Variants in SORBS2 observed in about 807,000 individuals in gnomAD.
The protein encoded by SORBS2 is sorbin and SH3 domain-containing protein 2.
In SORBS2, 46 loss-of-function variants were observed where a neutral mutation model predicts 97.7. That is an observed-to-expected ratio of 0.47 (90% CI 0.37 to 0.60). The LOEUF (loss-of-function observed/expected upper bound fraction) is 0.60. Ranked by LOEUF, SORBS2 falls within the 20% of genes least tolerant of loss-of-function variation. The pLI is 0.00. For missense variants in SORBS2, 1,316 were observed against 1,282.3 expected (o/e 1.03, Z -0.40); for synonymous variants, 476 against 473.4 (o/e 1.01, Z -0.07).
chr4:185,823,151 G>A (rs2099197826), intron 1 of SORBS2, among the ~76,000 whole-genome samples: 1 of 152,146 alleles, frequency 6.6e-6, no homozygotes, highest in African/African-American at 2.4e-5. Context: ...TCAGTGATGT[G>A]ACCATACCTT....
At chr4:185,689,973 C>T (rs1348673594) in intron 2 of SORBS2, among the ~76,000 whole-genome samples, 1 of 152,146 alleles carries the variant, frequency 6.6e-6, no homozygotes, top group African/African-American at 2.4e-5. Context: ...GAAAAAAGTT[C>T]ATATGTACAA....
chr4:185,928,500 C>T (rs1043418196), intron 1 of SORBS2, among the ~76,000 whole-genome samples: 2 of 152,190 alleles, frequency 1.3e-5, no homozygotes, highest in African/African-American at 4.8e-5. Flanking sequence ...GCGGGAGAGT[C>T]AGGCACGTGG....
chr4:185,599,480 G>A (rs1424697134), intron 12 of SORBS2, among the ~76,000 whole-genome samples: 1 of 152,182 alleles, frequency 6.6e-6, no homozygotes, highest in African/African-American at 2.4e-5. Context: ...GCAGTATGGG[G>A]ACAAAAGGCA....
intron 1 of SORBS2, among the ~76,000 whole-genome samples, chr4:185,830,239 T>G (rs1291132865): frequency 6.6e-6 from 1 of 152,170 alleles, no homozygotes; most frequent in African/African-American, 2.4e-5. Context: ...AAAATGCACA[T>G]TCTGGTTGGC....
At position 185,752,752 on chromosome 4, in the gene SORBS2, G is replaced by A. The variant is rs539905491; in HGVS notation, c.-198+22475C>T. Among the ~76,000 whole-genome samples the A allele has an allele frequency of 5.9e-5, 9 of 152,236 alleles. 1 individual carries two copies. Among genetic ancestry groups the A allele is most frequent in the East Asian group, 3.9e-4 (2 of 5,184 alleles). ...AACCTTAAAGAAGATTGAAAGAAGCGACAACTTAATGAAACCCAGCTACTG... is the reference window on the plus strand; with the variant it reads ...AACCTTAAAGAAGATTGAAAGAAGCAACAACTTAATGAAACCCAGCTACTG... On this transcript the variant is annotated intron_variant, in intron 2 of 20. Coordinates refer to the SORBS2 transcript ENST00000284776.
upstream of SORBS2, among the ~76,000 whole-genome samples, chr4:185,658,293 A>G (rs563408218): frequency 1.3e-5 from 2 of 152,370 alleles, no homozygotes; most frequent in East Asian, 3.9e-4. Context: ...CCCTAAGGAT[A>G]TAATTTAGAT....
intron 1 of SORBS2, among the ~76,000 whole-genome samples, chr4:185,951,229 T>A (rs747670111): frequency 1.3e-5 from 2 of 152,226 alleles, no homozygotes; most frequent in Non-Finnish European, 2.9e-5. Context: ...TACACTTGGC[T>A]TCCTTTCTCA....
At chr4:185,587,348 T>C (rs1254116812) in exon 15 of SORBS2, 2 of 308,408 alleles carry the variant, frequency 6.5e-6, no homozygotes, top group Non-Finnish European at 1.2e-5. Flanking sequence ...CATTTTTAAA[T>C]ATCATGATTT....
chr4:185,793,355 G>GGGATATAC (rs2099090067), intron 1 of SORBS2, among the ~76,000 whole-genome samples: 1 of 152,174 alleles, frequency 6.6e-6, no homozygotes, highest in Non-Finnish European at 1.5e-5. Flanking sequence ...ATTCTATCCT[G>GGGATATAC]TCATCATTTT....
rs79867301 is a variant in SORBS2 at position 185,610,852 on chromosome 4, A to G, written c.2796+928T>C. Among the ~76,000 whole-genome samples the G allele has an allele frequency of 2.2e-3, 342 of 152,280 alleles. 1 individual carries two copies. Among genetic ancestry groups the G allele is most frequent in the African/African-American group, 8.2e-3 (339 of 41,556 alleles). On this transcript the variant is annotated intron_variant, in intron 12 of 14. Coordinates refer to ENST00000418609, the Ensembl canonical transcript of SORBS2. The stretch of plus-strand genomic sequence containing the variant: ...CTTAATACATTTTTTGAATGTTGAG[A>G]AGTACTTAAAACATTTTGGAAGTCA...
rs368935499 is a variant in SORBS2 at position 185,646,791 on chromosome 4, A to C, written c.282-9T>G. On this transcript the variant is annotated splice_polypyrimidine_tract_variant and intron_variant, in intron 3 of 14. Transcript: ENST00000418609. The stretch of plus-strand genomic sequence containing the variant: ...GAGGATCCCAGTCATGCCTAGAAAT[A>C]AACAATAAATCACACATTAAAATAA... 2.7e-5 allele frequency: 41 copies of C among 1,493,624 alleles called. No homozygotes were observed. In the East Asian group the frequency reaches 7.4e-4, roughly 27 times the overall value. 92.5% of individuals were successfully genotyped at this position (1,493,624 alleles called of 1,614,324 possible). A position where few individuals can be genotyped will look rare whatever the true frequency, so the allele number is the denominator to read the frequency against.
At chr4:185,846,688 A>G (rs1393081782) in intron 1 of SORBS2, among the ~76,000 whole-genome samples, 1 of 152,156 alleles carries the variant, frequency 6.6e-6, no homozygotes, top group Non-Finnish European at 1.5e-5. Context: ...ACATTTATTC[A>G]ATGAGGTAGA....
At chr4:185,648,511 C>T (rs2097255285) in intron 3 of SORBS2, among the ~76,000 whole-genome samples, 1 of 151,618 alleles carries the variant, frequency 6.6e-6, no homozygotes, top group African/African-American at 2.4e-5. Context: ...GCTGGGACTA[C>T]AGGCATGAGC....
At chr4:185,932,586 C>T (rs1350177043) in intron 1 of SORBS2, among the ~76,000 whole-genome samples, 1 of 152,072 alleles carries the variant, frequency 6.6e-6, no homozygotes, top group African/African-American at 2.4e-5. Flanking sequence ...TTAGCCAGAG[C>T]CAAGATTTTA....
chr4:185,585,799 GC>G (rs2095795241), exon 15 of SORBS2: 2 of 152,198 alleles, frequency 1.3e-5, no homozygotes. Flanking sequence ...AAAATATGAA[GC>G]TGGTTATGAA....
At chr4:185,929,628 C>T (rs1283589149) in intron 1 of SORBS2, among the ~76,000 whole-genome samples, 1 of 151,580 alleles carries the variant, frequency 6.6e-6, no homozygotes, top group South Asian at 2.1e-4. Context: ...CTCCGCCTCC[C>T]GGGTTCAAGA....
chr4:185,588,660 G>A (rs1305780634), intron 14 of SORBS2, among the ~76,000 whole-genome samples: 1 of 120,526 alleles, frequency 8.3e-6, no homozygotes, highest in Non-Finnish European at 1.7e-5. Context: ...TGTCGCCCAG[G>A]CTGGAGTGCA....
At chr4:185,890,068 G>A (rs2099241677) in intron 1 of SORBS2, among the ~76,000 whole-genome samples, 1 of 152,036 alleles carries the variant, frequency 6.6e-6, no homozygotes, top group Non-Finnish European at 1.5e-5. Context: ...TGTATTTTTA[G>A]TAGAGATAGG....
intron 2 of SORBS2, among the ~76,000 whole-genome samples, chr4:185,697,694 C>CAT (rs1443680922): frequency 6.6e-6 from 1 of 152,158 alleles, no homozygotes. Context: ...TGTCACATAA[C>CAT]AAATTGTGTG....
Sources: gnomAD v4.1 joint callset for allele counts (sites outside exome capture counted in the v4.1 genomes callset) on GRCh38, gnomAD v4.1.1 for gene constraint, MANE v1.5 for transcripts, NCBI Gene and HGNC (gene_info 2026-07-23, HGNC 2026-07-21) for gene names.